FAR1: variants seen among roughly 807,000 people sequenced by gnomAD.
The protein encoded by FAR1 is fatty acyl-CoA reductase 1.
A neutral mutation model predicts 61.1 loss-of-function variants in FAR1; 22 were observed. That is an observed-to-expected ratio of 0.36 (90% CI 0.26 to 0.51). The LOEUF is 0.51. Ranked by LOEUF, FAR1 falls within the 20% of genes least tolerant of loss-of-function variation. FAR1 has a pLI of 0.95. For synonymous variants in FAR1, 206 were observed against 209.7 expected (o/e 0.98, Z 0.15); for missense variants, 359 against 626.9 (o/e 0.57, Z 4.56).
At chr11:13,726,258 G>A (rs980334799) in intron 10 of FAR1, among the ~76,000 whole-genome samples, 2 of 151,878 alleles carry the variant, frequency 1.3e-5, no homozygotes, top group African/African-American at 2.4e-5. Flanking sequence ...ATTTACCAGC[G>A]TAACTGTCCT....
chr11:13,687,390 T>C (rs1365150039), intron 1 of FAR1, among the ~76,000 whole-genome samples: 1 of 152,220 alleles, frequency 6.6e-6, no homozygotes, highest in Non-Finnish European at 1.5e-5. Context: ...GTGGGAATGC[T>C]AATGCTGCAG....
intron 3 of FAR1, among the ~76,000 whole-genome samples, chr11:13,701,548 TA>T (rs1174235433): frequency 6.6e-6 from 1 of 152,046 alleles, no homozygotes; most frequent in Non-Finnish European, 1.5e-5. Context: ...AATTAAGAAT[TA>T]AAAAAATTAA....
intron 2 of FAR1, 102 bp from the exon 3 acceptor site, chr11:13,700,215 T>C: frequency 4.7e-6 from 4 of 844,238 alleles, no homozygotes; most frequent in Non-Finnish European, 7.3e-6. Context: ...TAGTTTAAGT[T>C]TCTAAAAAAA....
At chr11:13,683,518 G>A (rs563207324) in intron 1 of FAR1, among the ~76,000 whole-genome samples, 1 of 152,006 alleles carries the variant, frequency 6.6e-6, no homozygotes, top group South Asian at 2.1e-4. Context: ...GCTCAAAACT[G>A]TCTCTTCATT....
chr11:13,682,050 T>C (rs1848133359), intron 1 of FAR1, among the ~76,000 whole-genome samples: 1 of 152,216 alleles, frequency 6.6e-6, no homozygotes, highest in Non-Finnish European at 1.5e-5. Flanking sequence ...TAATGGGCTT[T>C]CCTTTTAGAA....
intron 9 of FAR1, chr11:13,715,666 C>T (rs1848547550): frequency 6.6e-6 from 1 of 152,036 alleles, no homozygotes; most frequent in Admixed American, 6.6e-5. Flanking sequence ...GTTTTCTTAT[C>T]GTTGTTATAG....
At chr11:13,672,940 CT>C (rs1848026377) in intron 1 of FAR1, among the ~76,000 whole-genome samples, 1 of 152,178 alleles carries the variant, frequency 6.6e-6, no homozygotes, top group African/African-American at 2.4e-5. Flanking sequence ...TTAACTGCTT[CT>C]TTTGGCTTTA....
intron 9 of FAR1, among the ~76,000 whole-genome samples, chr11:13,717,080 T>C (rs897698462): frequency 6.6e-6 from 1 of 151,804 alleles, no homozygotes; most frequent in African/African-American, 2.4e-5. Flanking sequence ...GTCAACCTTC[T>C]GGCCAAAACA....
At chr11:13,674,308 CAAAAAAAAAA>C (rs375685986) in intron 1 of FAR1, among the ~76,000 whole-genome samples, 2 of 69,392 alleles carry the variant, frequency 2.9e-5, no homozygotes, top group Admixed American at 3.3e-4. Context: ...GACTCCGTCT[CAAAAAAAAAA>C]AAAAAAGAAA....
chr11:13,707,957 A>T lies in FAR1; in HGVS notation c.423A>T (p.Gln141His), dbSNP rs1393188494. The change falls in exon 4 of 12, where the codon CAA becomes CAT. Residue 141 changes from glutamine (Q) to histidine (H), a missense_variant. Physicochemically the swap from Gln to His is conservative, Grantham distance 24. This residue lies in a region of FAR1 where 344 missense variants were observed against 570.3 expected (regional missense o/e 0.60). Coordinates refer to ENST00000354817, the MANE Select transcript of FAR1 (RefSeq NM_032228.6). ...GACAGCTTATTCTCCTTGCACAACA[A>T]ATGAAGAATCTGGAAGTGTTCATGC... ...ATRQLILLAQ[Q>H]MKNLEVFMHV... 4 of 1,604,344 alleles carry T rather than the reference A, an allele frequency of 2.5e-6. No individual in the cohort carries two copies. The highest frequency in any genetic ancestry group is 3.4e-6 in the Non-Finnish European group (4 of 1,175,308).
At position 13,708,030 on chromosome 11, in the gene FAR1, G is replaced by A. The variant is rs1478705454; in HGVS notation, c.496G>A (p.Val166Ile). The A allele has an allele frequency of 2.5e-6, 4 of 1,609,214 alleles. No homozygotes were observed. The highest frequency in any genetic ancestry group is 3.4e-6 in the Non-Finnish European group (4 of 1,177,790). ...CTGTAATCGCAAGCATATTGATGAA[G>A]TAGTCTATCCACCACCTGTGGATCC... ...AYCNRKHIDEVVYPPPVDPKK... is the reference protein window; with the variant it reads ...AYCNRKHIDEIVYPPPVDPKK... The change falls in exon 4 of 12, where the codon GTA becomes ATA. Residue 166 changes from valine (V) to isoleucine (I), a missense_variant. Coordinates refer to ENST00000354817, the MANE Select transcript of FAR1 (RefSeq NM_032228.6).
At chr11:13,702,619 TC>T (rs934055401) in intron 3 of FAR1, among the ~76,000 whole-genome samples, 5 of 152,306 alleles carry the variant, frequency 3.3e-5, no homozygotes, top group Admixed American at 3.3e-4. Context: ...GTCGATTTTT[TC>T]CCCCATAGTT....
intron 9 of FAR1, 116 bp downstream of exon 9, chr11:13,714,796 G>T: frequency 1.2e-6 from 1 of 860,974 alleles, no homozygotes. Context: ...ATAGCCTTTT[G>T]TGAATGAGAA....
In FAR1 at chr11:13,728,961, G is replaced by C. The variant is rs1167251558; in HGVS notation, c.*187G>C. 2.0e-6 allele frequency: 1 copy of C among 502,142 alleles called. No individual in the cohort carries two copies. The highest frequency in any genetic ancestry group is 1.9e-5 in the African/African-American group (1 of 51,760). 31.1% of individuals were successfully genotyped at this position (502,142 alleles called of 1,614,324 possible). On this transcript the variant is annotated 3_prime_UTR_variant, in exon 12 of 12. Transcript: ENST00000354817. ...GCTCATAAAACTTAGTGAACACACTGTGTTATGCCAGCTCAAATCTACAGT... is the reference window on the plus strand; with the variant it reads ...GCTCATAAAACTTAGTGAACACACTCTGTTATGCCAGCTCAAATCTACAGT...
chr11:13,718,973 G>C (rs867019917), intron 9 of FAR1, among the ~76,000 whole-genome samples: 3 of 152,172 alleles, frequency 2.0e-5, no homozygotes, highest in Non-Finnish European at 4.4e-5. Flanking sequence ...AGCATACACA[G>C]TGACTGAAGG....
At chr11:13,708,503 T>A (rs1048678865) in intron 4 of FAR1, among the ~76,000 whole-genome samples, 1 of 150,012 alleles carries the variant, frequency 6.7e-6, no homozygotes, top group Non-Finnish European at 1.5e-5. Context: ...TCTTCAAAAA[T>A]TTTTGCATAT....
intron 1 of FAR1, among the ~76,000 whole-genome samples, chr11:13,673,106 C>T (rs1428168083): frequency 6.6e-6 from 1 of 152,066 alleles, no homozygotes; most frequent in Admixed American, 6.6e-5. Context: ...TTTTCGGTTC[C>T]CAATTTGAAG....
intron 1 of FAR1, among the ~76,000 whole-genome samples, chr11:13,684,206 T>C (rs888602004): frequency 6.6e-6 from 1 of 152,236 alleles, no homozygotes; most frequent in Non-Finnish European, 1.5e-5. Context: ...GTTAATTATT[T>C]GTTTCATACA....
chr11:13,681,242 T>TA (rs1202833157), intron 1 of FAR1, among the ~76,000 whole-genome samples: 16 of 152,096 alleles, frequency 1.1e-4, no homozygotes, highest in South Asian at 4.2e-4. Context: ...TTTGAGTGGC[T>TA]AAAAAAAACA....
Sources: gnomAD v4.1 joint callset for allele counts (sites outside exome capture counted in the v4.1 genomes callset) on GRCh38, gnomAD v4.1.1 for gene constraint, gnomAD v4.1.1 regional missense constraint, MANE v1.5 for transcripts, NCBI Gene and HGNC (gene_info 2026-07-23, HGNC 2026-07-21) for gene names.